The following SAFB variants were observed in gnomAD, a reference collection of about 807,000 sequenced individuals.
SAFB encodes scaffold attachment factor B, also known as scaffold attachment factor B1.
In SAFB, 15 loss-of-function variants were observed where a neutral mutation model predicts 101.6. The ratio of observed to expected loss-of-function variants is 0.15; its 90% CI spans 0.10 to 0.23. The LOEUF is 0.23. Ranked by LOEUF, SAFB falls within the 10% of genes least tolerant of loss-of-function variation. The pLI, the probability that SAFB is intolerant of heterozygous loss-of-function variation, is 1.00. For missense variants in SAFB, 930 were observed against 1,104.1 expected (o/e 0.84, Z 2.23); for synonymous variants, 449 against 407.5 (o/e 1.10, Z -1.23).
At chr19:5,663,148 A>C (rs1599386059) in intron 15 of SAFB, among the ~76,000 whole-genome samples, 1 of 151,970 alleles carries the variant, frequency 6.6e-6, no homozygotes, top group East Asian at 1.9e-4. Flanking sequence ...GATTATAGGC[A>C]TGTGCTACCA....
In SAFB at chr19:5,663,388, G is replaced by A. The variant is rs1330796686; in HGVS notation, c.2154-634G>A. 4.6e-5 allele frequency among the ~76,000 whole-genome samples: 7 copies of A among 152,242 alleles called. No homozygotes were observed. In the South Asian group the frequency reaches 8.3e-4, roughly 18 times the overall value. On this transcript the variant is annotated intron_variant, in intron 15 of 20. Coordinates refer to ENST00000588852, the MANE Select transcript of SAFB (RefSeq NM_001201338.2). Reference sequence around the variant, plus strand: ...ATGGCTGCTGTGAGGAGTCAGGTGTGTAATTCCAGCAGTGATTGTGTCAGG... The same window carrying A: ...ATGGCTGCTGTGAGGAGTCAGGTGTATAATTCCAGCAGTGATTGTGTCAGG...
At chr19:5,634,607 A>C (rs1011339403) in intron 2 of SAFB, among the ~76,000 whole-genome samples, 1 of 152,134 alleles carries the variant, frequency 6.6e-6, no homozygotes, top group African/African-American at 2.4e-5. Flanking sequence ...GTCTGGGAGA[A>C]AATATTATAG....
At chr19:5,633,664 A>T (rs887671519) in intron 2 of SAFB, among the ~76,000 whole-genome samples, 4 of 152,218 alleles carry the variant, frequency 2.6e-5, no homozygotes, top group African/African-American at 9.6e-5. Flanking sequence ...CTGTAGTCCC[A>T]GCTACTCGGG....
intron 14 of SAFB, among the ~76,000 whole-genome samples, chr19:5,659,575 G>A (rs1333479440): frequency 1.3e-5 from 2 of 151,878 alleles, no homozygotes; most frequent in Non-Finnish European, 2.9e-5. Context: ...TAGAGACGGG[G>A]TTTCACCGTG....
chr19:5,642,604 A>AT (rs932439449), intron 4 of SAFB, among the ~76,000 whole-genome samples: 12 of 131,860 alleles, frequency 9.1e-5, no homozygotes, highest in African/African-American at 3.5e-4. Context: ...AGTGGGTAGT[A>AT]TTTCCTGAAT....
chr19:5,631,814 C>T (rs570602511), intron 2 of SAFB, among the ~76,000 whole-genome samples: 24 of 152,190 alleles, frequency 1.6e-4, no homozygotes, highest in South Asian at 6.2e-4. Context: ...GGGACACCGA[C>T]GCGGAAGGAT....
chr19:5,656,575 ATTTTT>A (rs918418902), intron 13 of SAFB, among the ~76,000 whole-genome samples: 1 of 128,356 alleles, frequency 7.8e-6, no homozygotes, highest in South Asian at 2.5e-4. Flanking sequence ...TGCGCCAGCA[ATTTTT>A]TTTTTTTTTT....
intron 5 of SAFB, 98 bp from the exon 6 acceptor site, chr19:5,647,918 A>G: frequency 8.7e-7 from 1 of 1,147,708 alleles, no homozygotes; most frequent in Non-Finnish European, 1.3e-6. Context: ...CCCTCCCTGG[A>G]TTTTTAAAAT....
intron 14 of SAFB, 130 bp from the exon 15 acceptor site, chr19:5,661,388 T>A: frequency 2.0e-6 from 3 of 1,495,946 alleles, no homozygotes; most frequent in Non-Finnish European, 2.7e-6. Flanking sequence ...CGCTGGAGTG[T>A]ACGGTTCTGC....
At chr19:5,658,393 A>C (rs571015624) in intron 14 of SAFB, among the ~76,000 whole-genome samples, 2 of 152,314 alleles carry the variant, frequency 1.3e-5, no homozygotes, top group African/African-American at 4.8e-5. Flanking sequence ...TACTTCGTTA[A>C]CTTTAGTTTT....
rs528135341 is a variant in SAFB at position 5,641,553 on chromosome 19, C to T, written c.275-41C>T. The T allele has an allele frequency of 1.0e-4, 161 of 1,540,758 alleles. No homozygotes were observed. The South Asian group carries it at 1.5e-3, about 15-fold the overall frequency. ...AGGGCATTGTTGCTTCTGTAAAGTG[C>T]GTATCATTTGATCTCATGCTGTAAA... On this transcript the variant is annotated intron_variant, in intron 2 of 20. Coordinates refer to ENST00000588852, the MANE Select transcript of SAFB (RefSeq NM_001201338.2).
chr19:5,667,905 G>T lies in SAFB; in HGVS notation c.2624+19G>T. The stretch of plus-strand genomic sequence containing the variant: ...TGTCAGGGTAAGGCATGCTGGGGGC[G>T]GCGCCCCTTCCCCCTGCTTTGCATA... On this transcript the variant is annotated intron_variant, in intron 20 of 20. Transcript: ENST00000588852. The surrounding 1 kb of genome is among the most constrained non-coding windows in gnomAD (Gnocchi z 4.0). The T allele has an allele frequency of 6.3e-7, 1 of 1,586,432 alleles. No individual in the cohort carries two copies. Among genetic ancestry groups the T allele is most frequent in the South Asian group, 1.2e-5 (1 of 86,818 alleles).
At chr19:5,662,937 C>G (rs189511694) in intron 15 of SAFB, among the ~76,000 whole-genome samples, 1 of 151,684 alleles carries the variant, frequency 6.6e-6, no homozygotes, top group Admixed American at 6.6e-5. Flanking sequence ...CCACCACCCC[C>G]GGCCTTGTCC....
In SAFB at chr19:5,667,628, G is replaced by A. The variant is rs1479494265; in HGVS notation, c.2557+178G>A. The A allele has an allele frequency of 1.4e-6, 1 of 702,112 alleles. No individual in the cohort carries two copies. The allele number at this position is 702,112 out of a possible 1,614,324, so 43.5% of individuals were successfully genotyped here. A position where few individuals can be genotyped will look rare whatever the true frequency, so the allele number is the denominator to read the frequency against. On this transcript the variant is annotated intron_variant, in intron 19 of 20. Coordinates refer to ENST00000588852, the MANE Select transcript of SAFB (RefSeq NM_001201338.2). The surrounding 1 kb of genome is among the most constrained non-coding windows in gnomAD (Gnocchi z 4.0). ...GGTGGTCTGGCCCAGGAGTTGGACA[G>A]TGGGCGTTCCCGAGTTCTCTCTGCT...
At chr19:5,646,039 C>T (rs1037621212) in intron 5 of SAFB, among the ~76,000 whole-genome samples, 5 of 151,816 alleles carry the variant, frequency 3.3e-5, no homozygotes, top group Non-Finnish European at 5.9e-5. Context: ...ATTTGTGGGT[C>T]TTGAGTTTCC....
chr19:5,639,999 G>A (rs1388566007), intron 2 of SAFB, among the ~76,000 whole-genome samples: 1 of 151,468 alleles, frequency 6.6e-6, no homozygotes, highest in African/African-American at 2.4e-5. Flanking sequence ...CACCACACCT[G>A]GCTAATTTTG....
At chr19:5,656,793 C>T (rs190445823) in intron 13 of SAFB, among the ~76,000 whole-genome samples, 96 of 151,810 alleles carry the variant, frequency 6.3e-4, no homozygotes, top group African/African-American at 2.2e-3. Flanking sequence ...TTTTTTGAGA[C>T]GGAGTCTCAG....
intron 5 of SAFB, among the ~76,000 whole-genome samples, chr19:5,645,995 A>G (rs2053819840): frequency 6.6e-6 from 1 of 152,198 alleles, no homozygotes; most frequent in African/African-American, 2.4e-5. Context: ...AGATGAGAAC[A>G]GATGAGTTGA....
rs768035687 is a variant in SAFB, at chr19:5,653,195, A to T, written c.1374A>T (p.Glu458Asp). The change falls in exon 10 of 21, where the codon GAA (glutamate) becomes GAT (aspartate). Residue 458 changes from glutamate to aspartate, a missense_variant. Physicochemically the swap from Glu to Asp is conservative, Grantham distance 45. Around this residue, in one of 7 missense-constraint regions of SAFB, gnomAD observed 68 missense variants for 122.1 expected, o/e 0.56. Coordinates refer to ENST00000588852, the MANE Select transcript of SAFB (RefSeq NM_001201338.2). ...CYGFVTMSTAEEATKCINHLH... is the reference protein window; with the variant it reads ...CYGFVTMSTADEATKCINHLH... ...GTTTTGTCACGATGTCCACAGCAGA[A>T]GAGGCCACAAAATGCATTAACCACC... 9 of 1,614,184 alleles carry T rather than the reference A, an allele frequency of 5.6e-6. No individual in the cohort carries two copies. The South Asian group carries it at 9.9e-5, about 18-fold the overall frequency.
Sources: gnomAD v4.1 joint callset for allele counts (sites outside exome capture counted in the v4.1 genomes callset) on GRCh38, gnomAD v4.1.1 for gene constraint, gnomAD v4.1.1 regional missense constraint, Gnocchi (gnomAD v3.1) non-coding constraint, MANE v1.5 for transcripts, NCBI Gene and HGNC (gene_info 2026-07-23, HGNC 2026-07-21) for gene names.